OPA1: variants seen among roughly 807,000 people sequenced by gnomAD.
OPA1 encodes OPA1 mitochondrial dynamin like GTPase.
In OPA1, 59 loss-of-function variants were observed where a neutral mutation model predicts 152.9. The observed-to-expected ratio is 0.39, with a 90% CI of 0.31 to 0.48. The LOEUF is 0.48. Among genes scored for constraint, OPA1 ranks in the 20% least tolerant of loss-of-function variants. OPA1 has a pLI of 0.96. For missense variants in OPA1, 1,008 were observed against 1,216.8 expected (o/e 0.83, Z 2.55); for synonymous variants, 400 against 389.9 (o/e 1.03, Z -0.31).
At position 193,596,350 on chromosome 3, in the gene OPA1, T is replaced by C. The variant is rs367988412; in HGVS notation, c.32+2941T>C. Among the ~76,000 whole-genome samples, 480 of 85,066 alleles carry C rather than the reference T, an allele frequency of 5.6e-3. 9 individuals carry two copies. The highest frequency in any genetic ancestry group is 0.016 in the African/African-American group (398 of 24,186). The allele number at this position is 85,066 out of a possible 152,430, so 55.8% of individuals were successfully genotyped here. On this transcript the variant is annotated intron_variant, in intron 1 of 30. Coordinates refer to ENST00000361510, the MANE Select transcript of OPA1 (RefSeq NM_130837.3). ...CCTTTCCTTTCCTTTTCTTTTCTTT[T>C]CTTTTCTTTTCTTAATTTTCTTTTC...
intron 30 of OPA1, 134 bp from the exon 31 acceptor site, chr3:193,694,472 T>TA (rs1722076410): frequency 6.6e-6 from 1 of 152,246 alleles, no homozygotes; most frequent in Non-Finnish European, 1.5e-5. Context: ...ATAGACTATA[T>TA]AAGTTTAGTA....
At position 193,696,965 on chromosome 3, in the gene OPA1, A is replaced by G. The variant is rs1223055934; in HGVS notation, c.*2365A>G. On this transcript the variant is annotated 3_prime_UTR_variant, in exon 31 of 31. Transcript: ENST00000361510. Reference sequence around the variant, plus strand: ...GTCAACCTTTCTAGTAGTTTATGATATTGCCCTCTTTGTATTCCCATTTTC... The same window carrying G: ...GTCAACCTTTCTAGTAGTTTATGATGTTGCCCTCTTTGTATTCCCATTTTC... 6.6e-6 allele frequency: 1 copy of G among 152,182 alleles called. No individual in the cohort carries two copies. The highest frequency in any genetic ancestry group is 1.9e-4 in the East Asian group (1 of 5,202). 9.4% of individuals were successfully genotyped at this position (152,182 alleles called of 1,614,324 possible).
chr3:193,668,536 C>G, intron 29 of OPA1: 4 of 1,548,602 alleles, frequency 2.6e-6, no homozygotes, highest in South Asian at 1.2e-5. Flanking sequence ...CGACCCCAGA[C>G]AGATTCCTTC....
intron 1 of OPA1, among the ~76,000 whole-genome samples, chr3:193,613,000 C>T (rs1278392787): frequency 2.6e-5 from 4 of 152,186 alleles, no homozygotes; most frequent in Non-Finnish European, 5.9e-5. Context: ...CACCAGGTCA[C>T]CTGGTGTTCC....
At chr3:193,648,957 T>C in intron 21 of OPA1, 86 bp downstream of exon 21, 1 of 995,570 alleles carries the variant, frequency 1.0e-6, no homozygotes, top group South Asian at 1.3e-5. Context: ...GATAAAGCAG[T>C]GATTTATTGT....
chr3:193,667,861 C>T (rs60732955), intron 29 of OPA1, among the ~76,000 whole-genome samples: 1 of 152,054 alleles, frequency 6.6e-6, no homozygotes, highest in African/African-American at 2.4e-5. Flanking sequence ...CAAGTTTCAC[C>T]CGTTGTCCCA....
Position 193,648,854 on chromosome 3 carries a change from G to A in OPA1, c.1995G>A (p.Gln665=). 6.2e-7 allele frequency: 1 copy of A among 1,606,892 alleles called. No homozygotes were observed. The highest frequency in any genetic ancestry group is 8.5e-7 in the Non-Finnish European group (1 of 1,173,764). Reference sequence around the variant, plus strand: ...TTGATGAAGTTATCAGTCTGAGCCAGGTTACACCAAAACATTGGTAAGTAT... The same window carrying A: ...TTGATGAAGTTATCAGTCTGAGCCAAGTTACACCAAAACATTGGTAAGTAT... ...EILDEVISLS[Q]VTPKHWEEIL... Residue 665 remains glutamine (Q), a synonymous_variant, in exon 21 of 31, where the codon CAG becomes CAA. Transcript: ENST00000361510.
At chr3:193,614,008 T>C (rs757966741) in intron 1 of OPA1, 2 of 517,326 alleles carry the variant, frequency 3.9e-6, no homozygotes, top group African/African-American at 1.9e-5. Flanking sequence ...CAACTATGAG[T>C]GTATGTTAAG....
chr3:193,604,260 T>A (rs1404170916), intron 1 of OPA1, among the ~76,000 whole-genome samples: 2 of 152,134 alleles, frequency 1.3e-5, no homozygotes, highest in Non-Finnish European at 2.9e-5. Context: ...AAAGGTTTAG[T>A]GTAATTTGGA....
At chr3:193,682,985 G>GA (rs113787827) in intron 29 of OPA1, among the ~76,000 whole-genome samples, 4,968 of 151,686 alleles carry the variant, frequency 0.033, 132 homozygotes, top group Middle Eastern at 0.051. Context: ...ATGGATTTAG[G>GA]AGAAAAAAAA....
chr3:193,691,723 G>C (rs1291297493), intron 29 of OPA1: 1 of 177,372 alleles, frequency 5.6e-6, no homozygotes, highest in African/African-American at 2.4e-5. Flanking sequence ...ATTAGTAACT[G>C]TGGGTTCTTA....
At chr3:193,643,887 G>A (rs1734147124) in intron 15 of OPA1, 88 bp from the exon 16 acceptor site, 2 of 1,351,752 alleles carry the variant, frequency 1.5e-6, no homozygotes, top group Admixed American at 1.8e-5. Flanking sequence ...TTGCTATAAT[G>A]TAGACACAGG....
At chr3:193,692,456 T>C (rs1303800704) in intron 30 of OPA1, among the ~76,000 whole-genome samples, 1 of 152,198 alleles carries the variant, frequency 6.6e-6, no homozygotes, top group Non-Finnish European at 1.5e-5. Flanking sequence ...CATTACTTTA[T>C]TCTTCTTGCC....
At chr3:193,673,598 A>T (rs1334441462) in intron 29 of OPA1, among the ~76,000 whole-genome samples, 1 of 149,094 alleles carries the variant, frequency 6.7e-6, no homozygotes, top group Non-Finnish European at 1.5e-5. Flanking sequence ...GCTATAACAG[A>T]TATATTAATA....
At chr3:193,668,842 A>T (rs558069102) in intron 29 of OPA1, 1 of 1,091,092 alleles carries the variant, frequency 9.2e-7, no homozygotes, top group Non-Finnish European at 1.1e-6. Flanking sequence ...ATAGGATTGC[A>T]TACTAAAATT....
chr3:193,598,328 C>A (rs1725926653), intron 1 of OPA1, among the ~76,000 whole-genome samples: 1 of 152,076 alleles, frequency 6.6e-6, no homozygotes, highest in Non-Finnish European at 1.5e-5. Flanking sequence ...AAGTAGAGGG[C>A]AAGGTCATCT....
intron 11 of OPA1, among the ~76,000 whole-genome samples, chr3:193,639,355 A>G (rs1017952783): frequency 2.6e-5 from 4 of 152,258 alleles, no homozygotes; most frequent in Non-Finnish European, 4.4e-5. Flanking sequence ...AAGAAAAAGC[A>G]GAACCAGGCA....
At chr3:193,668,753 A>G (rs1717267857) in intron 29 of OPA1, 3 of 1,251,276 alleles carry the variant, frequency 2.4e-6, no homozygotes. Context: ...CCACCCCCCT[A>G]GCTTGGCCCT....
chr3:193,609,718 T>C lies in OPA1; in HGVS notation c.33-5005T>C, dbSNP rs546989802. 2.6e-5 allele frequency among the ~76,000 whole-genome samples: 4 copies of C among 152,344 alleles called. No individual in the cohort carries two copies. In the South Asian group the frequency reaches 8.3e-4, roughly 32 times the overall value. On this transcript the variant is annotated intron_variant, in intron 1 of 30. Transcript: ENST00000361510. ...GTCTTTTCACATAGTCCCATATTTC[T>C]TGGAGGCTTTGTTCGTTTCTTTTTA... is the stretch of plus-strand genomic sequence containing the variant.
Sources: allele counts gnomAD v4.1 joint callset (sites outside exome capture counted in the v4.1 genomes callset), GRCh38; gene constraint gnomAD v4.1.1; transcripts MANE v1.5; gene names NCBI Gene and HGNC (gene_info 2026-07-23, HGNC 2026-07-21).